Variants in CDK15 observed in about 807,000 individuals in gnomAD.
CDK15 encodes cyclin-dependent kinase 15.
Under a neutral mutation model 60.3 loss-of-function variants are expected in CDK15, and 62 were observed. The ratio of observed to expected loss-of-function variants is 1.03; its 90% CI spans 0.84 to 1.27. The LOEUF (loss-of-function observed/expected upper bound fraction) is 1.27. Among genes scored for constraint, CDK15 ranks in the 50% most tolerant of loss-of-function variants. CDK15 has a pLI of 0.00. For synonymous variants in CDK15, 194 were observed against 195.7 expected, an observed-to-expected ratio of 0.99 and a Z score of 0.07; for missense variants, 541 against 527.8, an observed-to-expected ratio of 1.03 and a Z score of -0.25.
intron 8 of CDK15, among the ~76,000 whole-genome samples, chr2:201,840,113 T>A (rs1366046237): frequency 6.6e-6 from 1 of 152,012 alleles, no homozygotes; most frequent in Non-Finnish European, 1.5e-5. Flanking sequence ...ACCTCCCAAG[T>A]AGCTGGGATT....
chr2:201,865,963 A>AGCTACCT (rs1189835552), intron 10 of CDK15, among the ~76,000 whole-genome samples: 1 of 147,964 alleles, frequency 6.8e-6, no homozygotes, highest in Non-Finnish European at 1.5e-5. Context: ...CTTCCAAGCC[A>AGCTACCT]GCTACCTGAG....
At chr2:201,851,628 A>C (rs778840482) in intron 9 of CDK15, among the ~76,000 whole-genome samples, 8 of 152,292 alleles carry the variant, frequency 5.3e-5, no homozygotes, top group Middle Eastern at 6.8e-3. Context: ...AATTATGAAG[A>C]GAATACAAAC....
chr2:201,806,658 C>G lies in CDK15; in HGVS notation c.-7C>G, dbSNP rs2192672. On this transcript the variant is annotated 5_prime_UTR_variant, in exon 1 of 14. Coordinates refer to ENST00000652192, the MANE Select transcript of CDK15 (RefSeq NM_001366386.2). The stretch of plus-strand genomic sequence containing the variant: ...AGTGCGGGTTTTCTCCTTGAACCTA[C>G]AAGATTATGGGTCAAGAGCTGTGTG... The G allele has an allele frequency of 0.31, 493,083 of 1,580,934 alleles. 79,605 individuals carry two copies. The highest frequency in any genetic ancestry group is 0.49 in the African/African-American group (36,405 of 74,648).
At chr2:201,866,654 C>T (rs1408116272) in intron 10 of CDK15, among the ~76,000 whole-genome samples, 1 of 152,142 alleles carries the variant, frequency 6.6e-6, no homozygotes, top group African/African-American at 2.4e-5. Context: ...CAAGCTACCT[C>T]CAGACCTATT....
intron 13 of CDK15, among the ~76,000 whole-genome samples, chr2:201,892,434 G>A (rs748718425): frequency 3.3e-5 from 5 of 152,184 alleles, no homozygotes; most frequent in Non-Finnish European, 5.9e-5. Flanking sequence ...GGAAGGTAGG[G>A]AGATAACCTT....
rs1341265595 is a variant in CDK15, at chr2:201,894,776, G to T, written c.*1509G>T. On this transcript the variant is annotated 3_prime_UTR_variant, in exon 14 of 14. Transcript: ENST00000652192. ...TTCTCCAATGTTCCTGACACCTATC[G>T]AATTTAGAGAATACACAACTCTTGC... is the stretch of plus-strand genomic sequence containing the variant. 6.6e-6 allele frequency: 1 copy of T among 152,092 alleles called. No homozygotes were observed. The highest frequency in any genetic ancestry group is 2.4e-5 in the African/African-American group (1 of 41,424). 9.4% of individuals were successfully genotyped at this position (152,092 alleles called of 1,614,324 possible).
At chr2:201,830,141 A>C (rs1233865861) in intron 6 of CDK15, among the ~76,000 whole-genome samples, 1 of 151,772 alleles carries the variant, frequency 6.6e-6, no homozygotes, top group African/African-American at 2.4e-5. Flanking sequence ...GGGTCTTGCT[A>C]TGTTGCCCAG....
rs1696915244 is a variant in CDK15 at position 201,834,366 on chromosome 2, G to A, written c.730+395G>A. Among the ~76,000 whole-genome samples the A allele has an allele frequency of 3.9e-5, 6 of 152,312 alleles. No homozygotes were observed. The South Asian group carries it at 1.2e-3, about 32-fold the overall frequency. On this transcript the variant is annotated intron_variant, in intron 7 of 13. Transcript: ENST00000652192. ...ACCCCAGATTGTAGCATGGACTCCTGTCAGGATGGAGACTCCAGGACACTT... is the reference window on the plus strand; with the variant it reads ...ACCCCAGATTGTAGCATGGACTCCTATCAGGATGGAGACTCCAGGACACTT...
intron 9 of CDK15, among the ~76,000 whole-genome samples, chr2:201,853,122 G>A (rs765089609): frequency 1.3e-5 from 2 of 152,166 alleles, no homozygotes; most frequent in Non-Finnish European, 2.9e-5. Context: ...AAGATGGTAG[G>A]TTAAAAAAAG....
intron 10 of CDK15, among the ~76,000 whole-genome samples, chr2:201,865,892 C>CAAA (rs35178158): frequency 0.14 from 5,580 of 40,058 alleles, 1,281 homozygotes; most frequent in Non-Finnish European, 0.2. Flanking sequence ...TCCATCTCAA[C>CAAA]AAAAAAAAAA....
intron 4 of CDK15, among the ~76,000 whole-genome samples, chr2:201,815,609 TG>T (rs751193960): frequency 7.2e-5 from 11 of 152,276 alleles, no homozygotes; most frequent in Non-Finnish European, 1.6e-4. Context: ...TAATGTGTTA[TG>T]TTTTTACATA....
intron 13 of CDK15, among the ~76,000 whole-genome samples, chr2:201,891,932 G>A (rs941237076): frequency 3.3e-5 from 5 of 152,066 alleles, no homozygotes; most frequent in South Asian, 2.1e-4. Context: ...GGTAACCACC[G>A]GTATCTCCCT....
Position 201,890,860 on chromosome 2 carries a change from G to T in CDK15, c.1274G>T (p.Gly425Val), listed in dbSNP as rs201587988. 24 of 1,613,682 alleles carry T rather than the reference G, an allele frequency of 1.5e-5. No individual in the cohort carries two copies. Among genetic ancestry groups the T allele is most frequent in the Non-Finnish European group, 2.0e-5 (24 of 1,179,832 alleles). The change falls in exon 13 of 14, where the codon GGT (glycine) becomes GTT (valine). Residue 425 changes from glycine to valine, a missense_variant. Gly to Val is a moderately radical substitution (Grantham distance 109). Coordinates refer to ENST00000652192, the MANE Select transcript of CDK15 (RefSeq NM_001366386.2). ...MCDLLASYQK[G>V]HHPAQFSKCW ...GACCTTTTGGCCTCCTACCAGAAAGGTCACCACCCAGCCCAGTTTAGCAAA... is the reference window on the plus strand; with the variant it reads ...GACCTTTTGGCCTCCTACCAGAAAGTTCACCACCCAGCCCAGTTTAGCAAA...
At chr2:201,827,821 C>T (rs1696574862) in intron 6 of CDK15, among the ~76,000 whole-genome samples, 1 of 152,102 alleles carries the variant, frequency 6.6e-6, no homozygotes, top group Non-Finnish European at 1.5e-5. Context: ...GACAAGTGAC[C>T]GGGAACCTGA....
chr2:201,871,291 C>T (rs879579105), intron 10 of CDK15, among the ~76,000 whole-genome samples: 13 of 152,072 alleles, frequency 8.5e-5, no homozygotes, highest in African/African-American at 3.1e-4. Context: ...TTTCAAGTAG[C>T]TGGGACTATA....
intron 12 of CDK15, among the ~76,000 whole-genome samples, chr2:201,883,974 G>A (rs912675974): frequency 2.0e-5 from 3 of 152,198 alleles, no homozygotes; most frequent in African/African-American, 7.2e-5. Context: ...TCATTAAGCT[G>A]CCCCTTCTTA....
intron 11 of CDK15, 62 bp downstream of exon 11, chr2:201,872,388 C>G: frequency 6.5e-7 from 1 of 1,548,540 alleles, no homozygotes; most frequent in Non-Finnish European, 8.9e-7. Context: ...AGAGACATTT[C>G]CCTGGATCTC....
chr2:201,866,979 C>A (rs1265409778), intron 10 of CDK15, among the ~76,000 whole-genome samples: 2 of 152,134 alleles, frequency 1.3e-5, no homozygotes, highest in Non-Finnish European at 2.9e-5. Context: ...CCTTCTACCC[C>A]AAACATGGAC....
At chr2:201,822,396 T>C (rs149296709) in intron 4 of CDK15, among the ~76,000 whole-genome samples, 2 of 152,346 alleles carry the variant, frequency 1.3e-5, no homozygotes, top group East Asian at 3.9e-4. Context: ...AGACTGGTCA[T>C]ATGTCACAAA....
Sources: allele counts gnomAD v4.1 joint callset (sites outside exome capture counted in the v4.1 genomes callset), GRCh38; gene constraint gnomAD v4.1.1; transcripts MANE v1.5; gene names NCBI Gene and HGNC (gene_info 2026-07-23, HGNC 2026-07-21).